Variants in DOK6 observed in about 807,000 individuals in gnomAD.
DOK6 encodes the protein docking protein 6.
In DOK6, 22 loss-of-function variants were observed where a neutral mutation model predicts 44.0. The observed-to-expected ratio is 0.50, with a 90% CI of 0.36 to 0.71. The LOEUF (loss-of-function observed/expected upper bound fraction) is 0.71. DOK6 is among the 30% of genes least tolerant of loss of function. The probability of loss-of-function intolerance (pLI) is 0.00; values close to 1 mark genes in which losing one functional copy is unlikely to be tolerated. For synonymous variants in DOK6, 166 were observed against 145.5 expected (o/e 1.14, Z -1.01); for missense variants, 340 against 416.4 (o/e 0.82, Z 1.60).
chr18:69,739,206 T>A, intron 6 of DOK6, 103 bp downstream of exon 6: 2 of 1,493,474 alleles, frequency 1.3e-6, no homozygotes, highest in Non-Finnish European at 1.8e-6. Flanking sequence ...CGCCTGGGTG[T>A]CCACCCTGCC....
chr18:69,730,892 G>T (rs1418365729), intron 5 of DOK6, among the ~76,000 whole-genome samples: 1 of 152,036 alleles, frequency 6.6e-6, no homozygotes, highest in East Asian at 1.9e-4. Context: ...CCTGAGCCCA[G>T]GAGTTTGAGG....
chr18:69,449,774 T>C (rs977924882), intron 1 of DOK6, among the ~76,000 whole-genome samples: 6 of 151,480 alleles, frequency 4.0e-5, no homozygotes, highest in Non-Finnish European at 8.8e-5. Flanking sequence ...GCAGCCTAAC[T>C]GGGAGGCACC....
At chr18:69,405,554 T>G (rs964899595) in intron 1 of DOK6, among the ~76,000 whole-genome samples, 2 of 151,928 alleles carry the variant, frequency 1.3e-5, no homozygotes, top group Non-Finnish European at 2.9e-5. Context: ...CACTCTAGCC[T>G]GGGTGACAAA....
At chr18:69,829,662 G>A (rs1981845534) in intron 7 of DOK6, among the ~76,000 whole-genome samples, 1 of 151,556 alleles carries the variant, frequency 6.6e-6, no homozygotes, top group South Asian at 2.1e-4. Context: ...AAGAAAGTAG[G>A]AGAAAATATT....
chr18:69,580,177 A>C (rs2144609238), intron 2 of DOK6, among the ~76,000 whole-genome samples: 1 of 152,256 alleles, frequency 6.6e-6, no homozygotes, highest in East Asian at 1.9e-4. Flanking sequence ...CAGAAGGCAG[A>C]TGTCAAGGTG....
intron 6 of DOK6, among the ~76,000 whole-genome samples, chr18:69,744,794 C>T (rs752411912): frequency 2.0e-4 from 30 of 151,368 alleles, no homozygotes; most frequent in South Asian, 4.2e-4. Context: ...GGCGTGGTGA[C>T]GGGTGCCTGT....
intron 1 of DOK6, among the ~76,000 whole-genome samples, chr18:69,510,928 T>C (rs1286827837): frequency 1.3e-5 from 2 of 152,166 alleles, no homozygotes; most frequent in African/African-American, 2.4e-5. Flanking sequence ...GAAATTATAA[T>C]GTTACCAAGT....
chr18:69,749,952 A>G (rs2144747567), intron 6 of DOK6, among the ~76,000 whole-genome samples: 1 of 151,144 alleles, frequency 6.6e-6, no homozygotes, highest in Non-Finnish European at 1.5e-5. Context: ...AAAAAAAAAA[A>G]AAAGTTCTGG....
intron 1 of DOK6, among the ~76,000 whole-genome samples, chr18:69,421,850 C>A (rs1978501299): frequency 6.6e-6 from 1 of 151,976 alleles, no homozygotes; most frequent in African/African-American, 2.4e-5. Flanking sequence ...GATGTCTTGA[C>A]CACACTCTGC....
At chr18:69,422,157 G>C (rs544211287) in intron 1 of DOK6, among the ~76,000 whole-genome samples, 2 of 152,138 alleles carry the variant, frequency 1.3e-5, no homozygotes, top group East Asian at 3.9e-4. Flanking sequence ...CCTGCTGCCT[G>C]GCCCACTGGA....
At chr18:69,590,555 G>A (rs1342918343) in intron 2 of DOK6, among the ~76,000 whole-genome samples, 1 of 152,120 alleles carries the variant, frequency 6.6e-6, no homozygotes, top group African/African-American at 2.4e-5. Flanking sequence ...GTTGGAAAAA[G>A]ATGAGATTAG....
At chr18:69,625,058 A>G (rs1029447031) in intron 3 of DOK6, among the ~76,000 whole-genome samples, 8 of 152,148 alleles carry the variant, frequency 5.3e-5, no homozygotes, top group Non-Finnish European at 1.2e-4. Flanking sequence ...TGGCAACTCT[A>G]GTGAAGATCT....
intron 1 of DOK6, among the ~76,000 whole-genome samples, chr18:69,443,766 A>G (rs190082669): frequency 2.6e-5 from 4 of 152,216 alleles, no homozygotes; most frequent in African/African-American, 7.2e-5. Context: ...GGAGTTGCTG[A>G]TAGTGGTATT....
At chr18:69,647,108 A>G (rs79993526) in intron 3 of DOK6, among the ~76,000 whole-genome samples, 17,812 of 125,100 alleles carry the variant, frequency 0.14, 1,166 homozygotes, top group Admixed American at 0.23. Flanking sequence ...CTATCTGTCT[A>G]TCTATCCTAT....
At chr18:69,415,591 A>C (rs1209506613) in intron 1 of DOK6, among the ~76,000 whole-genome samples, 1 of 152,108 alleles carries the variant, frequency 6.6e-6, no homozygotes, top group Non-Finnish European at 1.5e-5. Flanking sequence ...GCTAAACTCA[A>C]AGTCTGATAC....
intron 3 of DOK6, among the ~76,000 whole-genome samples, chr18:69,648,342 A>G (rs1985137012): frequency 6.6e-6 from 1 of 152,196 alleles, no homozygotes; most frequent in Non-Finnish European, 1.5e-5. Flanking sequence ...AACAAAACCA[A>G]AGCCCATTTT....
chr18:69,794,629 G>A (rs147916064), intron 7 of DOK6, among the ~76,000 whole-genome samples: 40 of 152,142 alleles, frequency 2.6e-4, no homozygotes, highest in African/African-American at 9.6e-4. Context: ...GCAAAGCAGG[G>A]GTCCCAATCA....
intron 1 of DOK6, among the ~76,000 whole-genome samples, chr18:69,560,007 G>A (rs191416784): frequency 1.6e-4 from 25 of 152,214 alleles, no homozygotes; most frequent in Non-Finnish European, 2.4e-4. Flanking sequence ...GGGAGTTAGG[G>A]CATCAGTAGA....
intron 1 of DOK6, 28 bp downstream of exon 1, chr18:69,401,338 C>T (rs773638016): frequency 2.2e-4 from 329 of 1,483,104 alleles, no homozygotes; most frequent in Non-Finnish European, 2.9e-4. Context: ...CTTGCTCCTT[C>T]CCCGGCGCTC....
Sources: allele counts gnomAD v4.1 joint callset (sites outside exome capture counted in the v4.1 genomes callset), GRCh38; gene constraint gnomAD v4.1.1; transcripts MANE v1.5; gene names NCBI Gene and HGNC (gene_info 2026-07-23, HGNC 2026-07-21).